SLC30A9: variants seen among roughly 807,000 people sequenced by gnomAD.
SLC30A9 encodes the protein solute carrier family 30 member 9.
A neutral mutation model predicts 87.5 loss-of-function variants in SLC30A9; 58 were observed. The ratio of observed to expected loss-of-function variants is 0.66; its 90% CI spans 0.54 to 0.82. The LOEUF (loss-of-function observed/expected upper bound fraction) is 0.82, where lower values mean the gene tolerates loss of function less well. Among genes scored for constraint, SLC30A9 ranks in the 40% least tolerant of loss-of-function variants. The probability of loss-of-function intolerance (pLI) is 0.00; values close to 1 mark genes in which losing one functional copy is unlikely to be tolerated. For synonymous variants in SLC30A9, 234 were observed against 233.0 expected (o/e 1.00, Z -0.04); for missense variants, 557 against 679.1 (o/e 0.82, Z 2.00).
intron 2 of SLC30A9, among the ~76,000 whole-genome samples, chr4:42,003,504 A>G (rs1043368894): frequency 1.3e-5 from 2 of 152,116 alleles, no homozygotes; most frequent in Non-Finnish European, 2.9e-5. Flanking sequence ...ATTTAGAATT[A>G]TTACCTAACA....
chr4:42,049,195 T>A (rs1358534166), intron 8 of SLC30A9, among the ~76,000 whole-genome samples, 182 bp from the exon 9 acceptor site: 1 of 152,062 alleles, frequency 6.6e-6, no homozygotes, highest in African/African-American at 2.4e-5. Context: ...TGAACTCCTG[T>A]CCTCAAGCCA....
At chr4:42,035,662 AT>A (rs1716648882) in intron 7 of SLC30A9, among the ~76,000 whole-genome samples, 3 of 151,816 alleles carry the variant, frequency 2.0e-5, no homozygotes, top group Non-Finnish European at 4.4e-5. Flanking sequence ...TGCCCAGTTA[AT>A]TTTTGTGTTT....
rs151273121 is a variant in SLC30A9 at position 42,001,717 on chromosome 4, G to A, written c.211G>A (p.Val71Ile). 1.0e-3 allele frequency: 1,684 copies of A among 1,611,484 alleles called. 34 individuals are homozygous for A. The Admixed American group carries it at 0.027, about 26-fold the overall frequency. ...TCAAGTAAAGTTGTACTCCACAAAT[G>A]TTCAGAAAGAAGGACAGGGATCACA... The part of the protein sequence containing the change: ...LSQVKLYSTN[V>I]QKEGQGSQTL... Residue 71 changes from valine to isoleucine, a missense_variant, in exon 2 of 18, where the codon GTT becomes ATT. By Grantham distance (29) the Val-to-Ile change is conservative. This residue lies in a region of SLC30A9 where 467 missense variants were observed against 529.8 expected (regional missense o/e 0.88). Coordinates refer to ENST00000264451, the MANE Select transcript of SLC30A9 (RefSeq NM_006345.4).
At chr4:42,004,774 C>G (rs1715133199) in intron 2 of SLC30A9, among the ~76,000 whole-genome samples, 1 of 151,380 alleles carries the variant, frequency 6.6e-6, no homozygotes, top group African/African-American at 2.4e-5. Context: ...ACCTTAGCCC[C>G]CTAAGTAGCT....
intron 1 of SLC30A9, among the ~76,000 whole-genome samples, chr4:41,996,183 C>T (rs1322931129): frequency 6.6e-6 from 1 of 151,740 alleles, no homozygotes; most frequent in African/African-American, 2.4e-5. Context: ...GCACCCTCCA[C>T]CTCCTGGGTT....
chr4:42,027,969 A>G (rs1716261886), intron 6 of SLC30A9, among the ~76,000 whole-genome samples: 1 of 152,218 alleles, frequency 6.6e-6, no homozygotes. Flanking sequence ...TTAAAAAGCA[A>G]GGCAAATTAT....
At chr4:42,038,458 A>T (rs1263919382) in intron 7 of SLC30A9, among the ~76,000 whole-genome samples, 1 of 152,172 alleles carries the variant, frequency 6.6e-6, no homozygotes, top group Admixed American at 6.5e-5. Flanking sequence ...TCCAAATAAT[A>T]CAATATATTC....
intron 15 of SLC30A9, among the ~76,000 whole-genome samples, chr4:42,074,957 A>G (rs1718460760): frequency 6.9e-6 from 1 of 145,052 alleles, no homozygotes; most frequent in Admixed American, 7.0e-5. Context: ...TGATAAGTAG[A>G]TATATGGAGA....
At chr4:42,070,842 GT>G in intron 15 of SLC30A9, 151 bp downstream of exon 15, 2 of 553,442 alleles carry the variant, frequency 3.6e-6, no homozygotes, top group Non-Finnish European at 6.0e-6. Flanking sequence ...AATCCTGGAA[GT>G]AAGAAAGAAT....
intron 6 of SLC30A9, among the ~76,000 whole-genome samples, chr4:42,031,639 T>C (rs1716442194): frequency 6.6e-6 from 1 of 152,244 alleles, no homozygotes; most frequent in Non-Finnish European, 1.5e-5. Flanking sequence ...CATTTACAAT[T>C]AATTTTGATG....
At chr4:42,044,498 T>C (rs937438138) in intron 8 of SLC30A9, among the ~76,000 whole-genome samples, 3 of 151,488 alleles carry the variant, frequency 2.0e-5, no homozygotes, top group Admixed American at 6.6e-5. Flanking sequence ...AAGGGATCAA[T>C]GCAACAAGAA....
At chr4:42,075,527 T>C (rs1331293966) in intron 15 of SLC30A9, 130 bp from the exon 16 acceptor site, 1 of 787,796 alleles carries the variant, frequency 1.3e-6, no homozygotes, top group Admixed American at 3.0e-5. Flanking sequence ...TGGTGAATAC[T>C]CTGAAGCCAT....
chr4:42,049,429 G>T lies in SLC30A9; in HGVS notation c.790G>T (p.Ala264Ser). The T allele has an allele frequency of 6.2e-7, 1 of 1,611,954 alleles. No individual in the cohort carries two copies. The highest frequency in any genetic ancestry group is 8.5e-7 in the Non-Finnish European group (1 of 1,178,594). The change falls in exon 9 of 18, where the codon GCA becomes TCA. Residue 264 changes from alanine (A) to serine (S), a missense_variant. Around this residue, in one of 2 missense-constraint regions of SLC30A9, gnomAD observed 467 missense variants for 529.8 expected, o/e 0.88. Transcript: ENST00000264451. Reference sequence around the variant, plus strand: ...TCTTGCCTGGATTTATACCGGTTCAGCAAGTATGTTCTCAGAAGCTATACA... The same window carrying T: ...TCTTGCCTGGATTTATACCGGTTCATCAAGTATGTTCTCAGAAGCTATACA... ...KFLAWIYTGSASMFSEAIHSL... is the reference protein window; with the variant it reads ...KFLAWIYTGSSSMFSEAIHSL...
chr4:42,062,519 A>G (rs1015713259), intron 10 of SLC30A9, among the ~76,000 whole-genome samples: 1 of 152,234 alleles, frequency 6.6e-6, no homozygotes, highest in Non-Finnish European at 1.5e-5. Context: ...CAGAACCAGC[A>G]ATAAATTATG....
chr4:42,056,627 C>A (rs936761236), intron 9 of SLC30A9, among the ~76,000 whole-genome samples: 4 of 152,154 alleles, frequency 2.6e-5, no homozygotes, highest in African/African-American at 4.8e-5. Flanking sequence ...CGCCCCAGCC[C>A]CTCCCGAATC....
rs1577677972 is a variant in SLC30A9 at position 42,001,679 on chromosome 4, T to C, written c.173T>C (p.Ile58Thr). 1 of 1,608,820 alleles carries C rather than the reference T, an allele frequency of 6.2e-7. No homozygotes were observed. Among genetic ancestry groups the C allele is most frequent in the East Asian group, 2.2e-5 (1 of 44,756 alleles). ...SNMVPCSHPY[I>T]GTLSQVKLYS... ...ATGGTTCCCTGTAGTCATCCATATA[T>C]TGGTACCCTGAGTCAAGTAAAGTTG... Residue 58 changes from isoleucine (I) to threonine (T), a missense_variant, in exon 2 of 18, where the codon ATT becomes ACT. Ile to Thr is a moderately conservative substitution (Grantham distance 89). Coordinates refer to ENST00000264451, the MANE Select transcript of SLC30A9 (RefSeq NM_006345.4).
chr4:42,042,366 TG>T (rs1393383368), intron 8 of SLC30A9, among the ~76,000 whole-genome samples: 2 of 152,082 alleles, frequency 1.3e-5, no homozygotes, highest in Non-Finnish European at 1.5e-5. Context: ...TGCTTGAGTT[TG>T]GTGTGTGTTG....
At chr4:42,053,722 AAAG>A (rs1717482777) in intron 9 of SLC30A9, among the ~76,000 whole-genome samples, 2 of 146,218 alleles carry the variant, frequency 1.4e-5, no homozygotes, top group African/African-American at 4.9e-5. Context: ...AAAAAAAAAA[AAAG>A]GAATGTTATA....
intron 9 of SLC30A9, among the ~76,000 whole-genome samples, chr4:42,052,910 G>A (rs951002818): frequency 1.8e-4 from 27 of 152,172 alleles, no homozygotes; most frequent in Non-Finnish European, 2.4e-4. Context: ...TTTGCTCATT[G>A]AAAGACATCC....
Sources: gnomAD v4.1 joint callset for allele counts (sites outside exome capture counted in the v4.1 genomes callset) on GRCh38, gnomAD v4.1.1 for gene constraint, gnomAD v4.1.1 regional missense constraint, MANE v1.5 for transcripts, NCBI Gene and HGNC (gene_info 2026-07-23, HGNC 2026-07-21) for gene names.